Variants in DLG2 observed in about 807,000 individuals in gnomAD.
DLG2 encodes the protein disks large homolog 2.
In DLG2, 45 loss-of-function variants were observed where a neutral mutation model predicts 132.5. The ratio of observed to expected loss-of-function variants is 0.34; its 90% CI spans 0.27 to 0.44. DLG2 has a LOEUF of 0.44. Among genes scored for constraint, DLG2 ranks in the 20% least tolerant of loss-of-function variants. DLG2 has a pLI of 1.00. For missense variants in DLG2, 1,045 were observed against 1,196.9 expected, an observed-to-expected ratio of 0.87 and a Z score of 1.87; for synonymous variants, 424 against 419.6, an observed-to-expected ratio of 1.01 and a Z score of -0.13.
chr11:83,848,188 GTGTTTGTT>G (rs1456069763), intron 16 of DLG2, among the ~76,000 whole-genome samples: 1 of 141,374 alleles, frequency 7.1e-6, no homozygotes, highest in South Asian at 2.3e-4. Flanking sequence ...TAAATTAATT[GTGTTTGTT>G]TGTTTGCTTG....
At chr11:84,731,928 C>T (rs2063206202) in intron 6 of DLG2, among the ~76,000 whole-genome samples, 2 of 152,046 alleles carry the variant, frequency 1.3e-5, no homozygotes, top group South Asian at 4.1e-4. Flanking sequence ...TAACCTCTAC[C>T]CCTCATACTC....
chr11:85,418,746 T>C (rs528269319), intron 3 of DLG2, among the ~76,000 whole-genome samples: 5 of 152,146 alleles, frequency 3.3e-5, no homozygotes, highest in South Asian at 2.1e-4. Context: ...GAGACTAGGA[T>C]TGTAACCACT....
At chr11:83,863,690 T>A (rs1051452823) in intron 16 of DLG2, among the ~76,000 whole-genome samples, 1 of 152,136 alleles carries the variant, frequency 6.6e-6, no homozygotes, top group Admixed American at 6.6e-5. Flanking sequence ...GTAGCAGATA[T>A]TAATCTCCAC....
At chr11:83,600,951 G>T (rs1169143564) in intron 19 of DLG2, among the ~76,000 whole-genome samples, 1 of 152,202 alleles carries the variant, frequency 6.6e-6, no homozygotes, top group Non-Finnish European at 1.5e-5. Flanking sequence ...CTGGTATTGA[G>T]GGAAGCATTG....
chr11:85,369,800 G>C (rs2084837824), intron 3 of DLG2, among the ~76,000 whole-genome samples: 1 of 152,214 alleles, frequency 6.6e-6, no homozygotes, highest in Non-Finnish European at 1.5e-5. Context: ...CTGCCTGTCT[G>C]TGTGTGTACT....
chr11:84,819,703 C>G (rs2077468214), intron 6 of DLG2, among the ~76,000 whole-genome samples: 1 of 151,898 alleles, frequency 6.6e-6, no homozygotes. Flanking sequence ...AGCTGAGTTA[C>G]CGCCTCACTG....
intron 7 of DLG2, among the ~76,000 whole-genome samples, chr11:84,505,012 A>C (rs2099234737): frequency 6.6e-6 from 1 of 152,128 alleles, no homozygotes; most frequent in South Asian, 2.1e-4. Flanking sequence ...TTTTACGTCA[A>C]ATTAGTTCAA....
At chr11:84,743,268 T>C (rs764290211) in intron 6 of DLG2, among the ~76,000 whole-genome samples, 2 of 152,144 alleles carry the variant, frequency 1.3e-5, no homozygotes, top group Non-Finnish European at 2.9e-5. Flanking sequence ...GAAAGAAAAT[T>C]CATATCTATT....
At chr11:85,335,100 T>A (rs1387246840) in intron 3 of DLG2, among the ~76,000 whole-genome samples, 1 of 152,208 alleles carries the variant, frequency 6.6e-6, no homozygotes, top group African/African-American at 2.4e-5. Flanking sequence ...ATCAGAGTGC[T>A]CCAGTGTTGG....
chr11:84,505,341 G>A (rs1327903085), intron 7 of DLG2, among the ~76,000 whole-genome samples: 1 of 152,108 alleles, frequency 6.6e-6, no homozygotes, highest in Non-Finnish European at 1.5e-5. Flanking sequence ...TATATTATAT[G>A]TAACATCTCA....
At chr11:83,835,293 T>C (rs2055824001) in intron 16 of DLG2, among the ~76,000 whole-genome samples, 1 of 152,032 alleles carries the variant, frequency 6.6e-6, no homozygotes, top group Non-Finnish European at 1.5e-5. Flanking sequence ...AAACAATAGA[T>C]GCAATAAATA....
chr11:85,028,571 G>T (rs662691), intron 6 of DLG2, among the ~76,000 whole-genome samples: 22,363 of 152,022 alleles, frequency 0.15, 1,792 homozygotes, highest in South Asian at 0.27. Context: ...CCAGAGGGGG[G>T]GCTGAGGGGG....
intron 3 of DLG2, among the ~76,000 whole-genome samples, chr11:85,578,444 G>C (rs569817054): frequency 6.6e-6 from 1 of 152,252 alleles, no homozygotes; most frequent in African/African-American, 2.4e-5. Context: ...TCTCAACAGA[G>C]TGAACAGACA....
At chr11:85,077,148 T>C (rs1298735764) in intron 6 of DLG2, among the ~76,000 whole-genome samples, 1 of 151,954 alleles carries the variant, frequency 6.6e-6, no homozygotes, top group East Asian at 1.9e-4. Context: ...TTTGACTGCA[T>C]GAGTAAAACC....
At chr11:84,959,875 G>A (rs1226796310) in intron 6 of DLG2, among the ~76,000 whole-genome samples, 1 of 151,964 alleles carries the variant, frequency 6.6e-6, no homozygotes, top group Non-Finnish European at 1.5e-5. Context: ...AGGTAGAAAT[G>A]TATATAGACA....
chr11:84,913,047 G>T (rs888178319), intron 6 of DLG2, among the ~76,000 whole-genome samples: 5 of 152,168 alleles, frequency 3.3e-5, no homozygotes, highest in Non-Finnish European at 7.3e-5. Flanking sequence ...GGCAGAAAGA[G>T]ACAAAGTCGA....
At chr11:83,928,333 A>G (rs1436696372) in intron 15 of DLG2, among the ~76,000 whole-genome samples, 4 of 152,136 alleles carry the variant, frequency 2.6e-5, no homozygotes, top group African/African-American at 4.8e-5. Flanking sequence ...GATACAGATG[A>G]CAGAAAGCAA....
chr11:85,142,221 T>A (rs2076540060), intron 5 of DLG2, among the ~76,000 whole-genome samples: 1 of 151,824 alleles, frequency 6.6e-6, no homozygotes. Flanking sequence ...TTGTGCCCTC[T>A]TCAATTTCTT....
chr11:85,481,897 G>T (rs994748443), intron 3 of DLG2, among the ~76,000 whole-genome samples: 3 of 151,982 alleles, frequency 2.0e-5, no homozygotes, highest in Admixed American at 1.3e-4. Flanking sequence ...GCTACCCGCA[G>T]ACTGAGCTTC....
Sources: gnomAD v4.1 joint callset for allele counts (sites outside exome capture counted in the v4.1 genomes callset) on GRCh38, gnomAD v4.1.1 for gene constraint, MANE v1.5 for transcripts, NCBI Gene and HGNC (gene_info 2026-07-23, HGNC 2026-07-21) for gene names.